Variants in SMARCA2 observed in about 807,000 individuals in gnomAD.
SMARCA2 encodes the protein SWI/SNF-related matrix-associated actin-dependent regulator of chromatin subfamily A member 2.
Under a neutral mutation model 199.8 loss-of-function variants are expected in SMARCA2, and 61 were observed. The observed-to-expected ratio is 0.31, with a 90% CI of 0.25 to 0.38. The LOEUF is 0.38. Ranked by LOEUF, SMARCA2 falls within the 10% of genes least tolerant of loss-of-function variation. The pLI, the probability that SMARCA2 is intolerant of heterozygous loss-of-function variation, is 1.00. For missense variants in SMARCA2, 1,344 were observed against 2,012.2 expected (o/e 0.67, Z 6.35); for synonymous variants, 935 against 732.0 (o/e 1.28, Z -4.48).
chr9:2,190,010 G>T (rs916866079), intron 32 of SMARCA2, among the ~76,000 whole-genome samples: 1 of 152,088 alleles, frequency 6.6e-6, no homozygotes, highest in African/African-American at 2.4e-5. Context: ...AAGCTAGCTT[G>T]AATGAGAGAC....
intron 25 of SMARCA2, among the ~76,000 whole-genome samples, chr9:2,116,632 C>A (rs995632739): frequency 1.3e-5 from 2 of 152,164 alleles, no homozygotes; most frequent in Admixed American, 6.5e-5. Context: ...CTTTATTTGT[C>A]AGGGTTGTAT....
rs187126823 is a variant in SMARCA2 at position 2,055,199 on chromosome 9, G to A, written c.1173+476G>A. Among the ~76,000 whole-genome samples the A allele has an allele frequency of 5.3e-3, 800 of 152,334 alleles. 6 individuals carry two copies. Among genetic ancestry groups the A allele is most frequent in the African/African-American group, 0.018 (746 of 41,572 alleles). On this transcript the variant is annotated intron_variant, in intron 6 of 33. Coordinates refer to ENST00000349721, the MANE Select transcript of SMARCA2 (RefSeq NM_003070.5). Reference sequence around the variant, plus strand: ...CATTTATAGAAATACATAAAGCAATGTCTTATAGCTTATTTATTCACCGAT... The same window carrying A: ...CATTTATAGAAATACATAAAGCAATATCTTATAGCTTATTTATTCACCGAT...
intron 27 of SMARCA2, among the ~76,000 whole-genome samples, chr9:2,135,691 G>A (rs1036441593): frequency 2.0e-5 from 3 of 152,078 alleles, no homozygotes; most frequent in Admixed American, 1.3e-4. Flanking sequence ...AAAGGTGTGT[G>A]CCACAATGCC....
chr9:2,192,273 A>C (rs1827938442), intron 33 of SMARCA2: 1 of 175,598 alleles, frequency 5.7e-6, no homozygotes, highest in Non-Finnish European at 1.2e-5. Flanking sequence ...CCTTCAACAC[A>C]TTACCATTTT....
chr9:2,186,227 G>A lies in SMARCA2; in HGVS notation c.4593G>A (p.Glu1531=). The change falls in exon 32 of 34, where the codon GAG becomes GAA. Residue 1531 remains glutamate, a splice_region_variant and synonymous_variant. Coordinates refer to ENST00000349721, the MANE Select transcript of SMARCA2 (RefSeq NM_003070.5). ...AAGATGAAGAAGAGTCAGAGTCCGA[G>A]GGTAAGCCCAGACATTCGGGTCCTG... is the stretch of plus-strand genomic sequence containing the variant. ...EEEDEEESES[E]AKSVKVKIKL... is the part of the protein sequence containing the mutation. The A allele has an allele frequency of 6.2e-7, 1 of 1,613,388 alleles. No individual in the cohort carries two copies. The highest frequency in any genetic ancestry group is 1.3e-5 in the African/African-American group (1 of 75,032).
chr9:2,146,846 T>C (rs1824773756), intron 27 of SMARCA2, among the ~76,000 whole-genome samples: 1 of 152,186 alleles, frequency 6.6e-6, no homozygotes, highest in South Asian at 2.1e-4. Context: ...GTCACTCTCA[T>C]CACCATCTTG....
Position 2,123,669 on chromosome 9 carries a change from C to A in SMARCA2, c.3763-50C>A. On this transcript the variant is annotated intron_variant, in intron 26 of 33. Transcript: ENST00000349721. This position sits in a 1 kb window ranked among gnomAD's most constrained non-coding sequence, Gnocchi z 4.1. Reference sequence around the variant, plus strand: ...AAGTTGTGTAGTGCTGGGAAGTCTGCACCATACAGAAGCCCTGACTTTCGG... The same window carrying A: ...AAGTTGTGTAGTGCTGGGAAGTCTGAACCATACAGAAGCCCTGACTTTCGG... 1 of 1,516,034 alleles carries A rather than the reference C, an allele frequency of 6.6e-7. No individual in the cohort carries two copies. The highest frequency in any genetic ancestry group is 9.1e-7 in the Non-Finnish European group (1 of 1,095,310). The allele number at this position is 1,516,034 out of a possible 1,614,324, so 93.9% of individuals were successfully genotyped here.
chr9:2,072,932 C>G (rs541002629), intron 10 of SMARCA2, among the ~76,000 whole-genome samples: 1 of 152,212 alleles, frequency 6.6e-6, no homozygotes, highest in African/African-American at 2.4e-5. Context: ...GGTTTCCACA[C>G]CCTTGCACTT....
Position 2,192,887 on chromosome 9 carries a change from A to T in SMARCA2, c.*148A>T. The T allele has an allele frequency of 1.5e-6, 1 of 646,896 alleles. No homozygotes were observed. The highest frequency in any genetic ancestry group is 2.8e-6 in the Non-Finnish European group (1 of 358,502). The allele number at this position is 646,896 out of a possible 1,614,324, so 40.1% of individuals were successfully genotyped here. On this transcript the variant is annotated 3_prime_UTR_variant, in exon 34 of 34. Transcript: ENST00000349721. ...AGCTTTAGGATAGTGCCAGACAAAC[A>T]TATGATATCATGGTGTAAAAAACAC...
At chr9:2,128,251 G>T (rs1297006713) in intron 27 of SMARCA2, among the ~76,000 whole-genome samples, 1 of 152,154 alleles carries the variant, frequency 6.6e-6, no homozygotes, top group Non-Finnish European at 1.5e-5. Context: ...TATAGCTGCT[G>T]GTCTGCTCCT....
At chr9:2,063,180 AAG>A (rs1288563822) in intron 9 of SMARCA2, among the ~76,000 whole-genome samples, 1 of 152,168 alleles carries the variant, frequency 6.6e-6, no homozygotes, top group African/African-American at 2.4e-5. Flanking sequence ...AAGTGGGACA[AAG>A]AAGGGGGAAG....
intron 21 of SMARCA2, among the ~76,000 whole-genome samples, chr9:2,100,868 G>A (rs1822481139): frequency 6.6e-6 from 1 of 152,168 alleles, no homozygotes. Flanking sequence ...GGAAAAAGAG[G>A]TTTAATGGAC....
intron 29 of SMARCA2, among the ~76,000 whole-genome samples, chr9:2,171,098 C>T (rs747071575): frequency 6.6e-6 from 1 of 152,152 alleles, no homozygotes; most frequent in Non-Finnish European, 1.5e-5. Context: ...GGGTAGAAAG[C>T]AGAAATGCTT....
chr9:2,142,454 C>T (rs186526605), intron 27 of SMARCA2, among the ~76,000 whole-genome samples: 19 of 152,136 alleles, frequency 1.2e-4, no homozygotes, highest in Non-Finnish European at 2.2e-4. Flanking sequence ...TATTCTCTCT[C>T]TCTCTCCTGA....
At chr9:2,036,133 G>T (rs1819318927) in intron 3 of SMARCA2, among the ~76,000 whole-genome samples, 1 of 151,982 alleles carries the variant, frequency 6.6e-6, no homozygotes, top group East Asian at 1.9e-4. Flanking sequence ...TTTATTTTTA[G>T]TCCATTGGAT....
chr9:2,174,649 G>A (rs1319262199), intron 29 of SMARCA2, among the ~76,000 whole-genome samples: 22 of 152,160 alleles, frequency 1.4e-4, no homozygotes, highest in Admixed American at 1.4e-3. Context: ...GCCAGGCACA[G>A]TGGCTCACAC....
intron 16 of SMARCA2, among the ~76,000 whole-genome samples, 195 bp downstream of exon 16, chr9:2,083,608 C>T (rs1210022341): frequency 6.6e-6 from 1 of 152,114 alleles, no homozygotes; most frequent in Non-Finnish European, 1.5e-5. Flanking sequence ...TAGTGAAATC[C>T]AGAAGAAAAT....
chr9:2,030,314 T>C (rs1819006583), intron 2 of SMARCA2, among the ~76,000 whole-genome samples: 1 of 152,158 alleles, frequency 6.6e-6, no homozygotes, highest in African/African-American at 2.4e-5. Flanking sequence ...ATAGTTCCGG[T>C]CTGAGTCTAC....
At chr9:2,090,656 T>A (rs1333124711) in intron 19 of SMARCA2, among the ~76,000 whole-genome samples, 1 of 152,170 alleles carries the variant, frequency 6.6e-6, no homozygotes, top group Non-Finnish European at 1.5e-5. Context: ...TTTCCACTCA[T>A]GTTGCTGTCT....
Sources: allele counts gnomAD v4.1 joint callset (sites outside exome capture counted in the v4.1 genomes callset), GRCh38; gene constraint gnomAD v4.1.1; non-coding constraint Gnocchi (gnomAD v3.1); transcripts MANE v1.5; gene names NCBI Gene and HGNC (gene_info 2026-07-23, HGNC 2026-07-21).